The following DGKG variants were observed in gnomAD, a reference collection of about 807,000 sequenced individuals.
The protein encoded by DGKG is diacylglycerol kinase gamma.
DGKG carries 78 observed loss-of-function variants against 105.3 expected under a neutral mutation model. The observed-to-expected ratio is 0.74, with a 90% CI of 0.62 to 0.89. The LOEUF is 0.89. DGKG is among the 40% of genes least tolerant of loss of function. The probability of loss-of-function intolerance (pLI) is 0.00; values close to 1 mark genes in which losing one functional copy is unlikely to be tolerated. For synonymous variants in DGKG, 346 were observed against 367.1 expected, an observed-to-expected ratio of 0.94 and a Z score of 0.66; for missense variants, 958 against 1,020.1, an observed-to-expected ratio of 0.94 and a Z score of 0.83.
chr3:186,250,515 T>G (rs1721158654), intron 19 of DGKG, among the ~76,000 whole-genome samples: 1 of 148,502 alleles, frequency 6.7e-6, no homozygotes, highest in Non-Finnish European at 1.5e-5. Context: ...TTGATAAATA[T>G]TTGTTGAAAA....
chr3:186,256,314 C>T (rs568842305), intron 17 of DGKG, among the ~76,000 whole-genome samples: 4 of 152,306 alleles, frequency 2.6e-5, no homozygotes, highest in South Asian at 4.1e-4. Flanking sequence ...CCCGGAGGCA[C>T]GGCTTTCTCT....
chr3:186,245,011 G>A (rs1202001862), intron 19 of DGKG, among the ~76,000 whole-genome samples: 1 of 150,714 alleles, frequency 6.6e-6, no homozygotes, highest in East Asian at 1.9e-4. Flanking sequence ...CGTCTGTCAG[G>A]AAAAAAAAAG....
In DGKG at chr3:186,251,870, G is replaced by A. The variant is rs1448407519; in HGVS notation, c.1650C>T (p.Ser550=). 1 of 1,609,502 alleles carries A rather than the reference G, an allele frequency of 6.2e-7. No homozygotes were observed. The highest frequency in any genetic ancestry group is 8.5e-7 in the Non-Finnish European group (1 of 1,177,430). Residue 550 remains serine (S), a synonymous_variant, in exon 19 of 25, where the codon AGC becomes AGT. Coordinates refer to ENST00000265022, the MANE Select transcript of DGKG (RefSeq NM_001346.3). The part of the protein sequence containing the change: ...LTKILKDIEQ[S]PLVMLDRWHL... ...GCCAGCGGTCCAGCATCACCAAGGGGCTCTGCTCAATGTCTTTCAGGATTT... is the reference window on the plus strand; with the variant it reads ...GCCAGCGGTCCAGCATCACCAAGGGACTCTGCTCAATGTCTTTCAGGATTT...
At position 186,275,599 on chromosome 3, in the gene DGKG, G is replaced by A. The variant is rs1292085027; in HGVS notation, c.858C>T (p.Asn286=). The change falls in exon 10 of 25, where the codon AAC becomes AAT. Residue 286 remains asparagine (N), a synonymous_variant. Transcript: ENST00000265022. ...MKHFKKPTYC[N]FCHIMLMGVR... ...CGCCCATGAGCATGATATGGCAGAA[G>A]TTGCAGTAGGTTGGTTTCTTGAAGT... is the stretch of plus-strand genomic sequence containing the variant. The A allele has an allele frequency of 2.5e-6, 4 of 1,614,148 alleles. No individual in the cohort carries two copies. The highest frequency in any genetic ancestry group is 2.7e-5 in the African/African-American group (2 of 74,952).
At chr3:186,263,496 G>A (rs188218066) in intron 14 of DGKG, among the ~76,000 whole-genome samples, 5 of 152,178 alleles carry the variant, frequency 3.3e-5, no homozygotes, top group African/African-American at 7.2e-5. Context: ...GAACCCGGGA[G>A]GCAAAGGTTG....
chr3:186,225,159 G>A (rs892152178), intron 20 of DGKG, among the ~76,000 whole-genome samples: 7 of 151,392 alleles, frequency 4.6e-5, no homozygotes, highest in East Asian at 3.9e-4. Context: ...CAAGTGGTAC[G>A]ATTATATTAA....
chr3:186,328,180 G>A (rs1273282835), intron 1 of DGKG, among the ~76,000 whole-genome samples: 1 of 152,110 alleles, frequency 6.6e-6, no homozygotes, highest in Non-Finnish European at 1.5e-5. Context: ...CAGATTAAAA[G>A]GTCACTTCTT....
At chr3:186,170,640 G>T (rs1457956566) in intron 22 of DGKG, among the ~76,000 whole-genome samples, 2 of 152,188 alleles carry the variant, frequency 1.3e-5, no homozygotes, top group African/African-American at 4.8e-5. Flanking sequence ...TGACCTCAAA[G>T]TGGGGTTATG....
intron 20 of DGKG, among the ~76,000 whole-genome samples, chr3:186,225,298 C>A (rs1299368398): frequency 6.6e-6 from 1 of 151,960 alleles, no homozygotes; most frequent in Non-Finnish European, 1.5e-5. Context: ...CATCTAGGAA[C>A]CCTTTGTCAA....
intron 20 of DGKG, among the ~76,000 whole-genome samples, chr3:186,216,755 C>T (rs1375775531): frequency 6.6e-6 from 1 of 152,122 alleles, no homozygotes; most frequent in African/African-American, 2.4e-5. Context: ...TGCAATGTTC[C>T]TTCTTCTCTT....
At chr3:186,312,827 C>T (rs1270709355) in intron 2 of DGKG, among the ~76,000 whole-genome samples, 2 of 152,238 alleles carry the variant, frequency 1.3e-5, no homozygotes, top group African/African-American at 4.8e-5. Flanking sequence ...ACCTCTTCAG[C>T]CAGCTGGAGT....
chr3:186,356,414 G>A (rs1278398267), intron 1 of DGKG, among the ~76,000 whole-genome samples: 1 of 152,200 alleles, frequency 6.6e-6, no homozygotes, highest in African/African-American at 2.4e-5. Context: ...GTGGCTGTGA[G>A]GGGGTGTGGG....
At chr3:186,335,725 G>A (rs925791100) in intron 1 of DGKG, among the ~76,000 whole-genome samples, 18 of 152,144 alleles carry the variant, frequency 1.2e-4, no homozygotes, top group African/African-American at 4.3e-4. Flanking sequence ...ACATTTCCAT[G>A]ACATTTTAGT....
At chr3:186,352,301 C>G (rs1726671918) in intron 1 of DGKG, among the ~76,000 whole-genome samples, 1 of 152,136 alleles carries the variant, frequency 6.6e-6, no homozygotes, top group Non-Finnish European at 1.5e-5. Context: ...CCCAGACTCT[C>G]AATGCTGTGA....
At position 186,148,098 on chromosome 3, in the gene DGKG, C is replaced by T. The variant is rs1715585210; in HGVS notation, c.*1992G>A. On this transcript the variant is annotated 3_prime_UTR_variant, in exon 25 of 25. Coordinates refer to ENST00000265022, the MANE Select transcript of DGKG (RefSeq NM_001346.3). ...TAGAGGCAGCTCAGTGGAACGATATCAAGTGGGTCCAAGTTTCCACTGATA... is the reference window on the plus strand; with the variant it reads ...TAGAGGCAGCTCAGTGGAACGATATTAAGTGGGTCCAAGTTTCCACTGATA... 4 of 985,322 alleles carry T rather than the reference C, an allele frequency of 4.1e-6. No individual in the cohort carries two copies. Among genetic ancestry groups the T allele is most frequent in the Non-Finnish European group, 4.8e-6 (4 of 829,962 alleles). The allele number at this position is 985,322 out of a possible 1,614,324, so 61.0% of individuals were successfully genotyped here.
At chr3:186,299,043 G>A (rs1723737629) in intron 3 of DGKG, among the ~76,000 whole-genome samples, 1 of 152,206 alleles carries the variant, frequency 6.6e-6, no homozygotes, top group South Asian at 2.1e-4. Flanking sequence ...GTCCCAGGCT[G>A]GGAGCAGCTA....
chr3:186,266,632 C>G (rs1722068363), intron 13 of DGKG, among the ~76,000 whole-genome samples: 1 of 152,192 alleles, frequency 6.6e-6, no homozygotes, highest in South Asian at 2.1e-4. Flanking sequence ...GAGTCTCACT[C>G]TGTCACCCAG....
intron 23 of DGKG, 48 bp downstream of exon 23, chr3:186,164,850 T>C: frequency 6.3e-7 from 1 of 1,577,448 alleles, no homozygotes; most frequent in Non-Finnish European, 8.6e-7. Context: ...CATGAATGTG[T>C]ACGCAGGCGG....
chr3:186,175,673 A>G (rs1717042451), intron 22 of DGKG, among the ~76,000 whole-genome samples: 1 of 152,174 alleles, frequency 6.6e-6, no homozygotes, highest in African/African-American at 2.4e-5. Flanking sequence ...GGTCCCGGTG[A>G]GGTCCAGTGC....
Sources: gnomAD v4.1 joint callset for allele counts (sites outside exome capture counted in the v4.1 genomes callset) on GRCh38, gnomAD v4.1.1 for gene constraint, MANE v1.5 for transcripts, NCBI Gene and HGNC (gene_info 2026-07-23, HGNC 2026-07-21) for gene names.